The following SYT17 variants were observed in gnomAD, a reference collection of about 807,000 sequenced individuals.
SYT17 encodes synaptotagmin 17.
In SYT17, 22 loss-of-function variants were observed where a neutral mutation model predicts 46.7. The observed-to-expected ratio is 0.47, with a 90% confidence interval of 0.34 to 0.67. SYT17 has a LOEUF of 0.67. SYT17 is among the 30% of genes least tolerant of loss of function. The pLI, the probability that SYT17 is intolerant of heterozygous loss-of-function variation, is 0.01. For missense variants in SYT17, 519 were observed against 612.8 expected, an observed-to-expected ratio of 0.85 and a Z score of 1.62; for synonymous variants, 251 against 248.4, an observed-to-expected ratio of 1.01 and a Z score of -0.10.
rs66644033 is a variant in SYT17, at chr16:19,256,556, C to CTAT, written c.1229-10286_1229-10284dup. 2.5e-3 allele frequency among the ~76,000 whole-genome samples: 360 copies of CTAT among 145,004 alleles called. 1 individual carries two copies. The highest frequency in any genetic ancestry group is 8.0e-3 in the African/African-American group (310 of 38,672). On this transcript the variant is annotated intron_variant, in intron 7 of 7. Transcript: ENST00000355377. ...CAAGGGAAGTAGGAAATGGGTGAGT[C>CTAT]TATTATTATTATTATTATTATTATT...
chr16:19,247,041 C>T, intron 7 of SYT17, among the ~76,000 whole-genome samples: 1 of 152,054 alleles, frequency 6.6e-6, no homozygotes, highest in South Asian at 2.1e-4. Context: ...GACCTTTGAT[C>T]CTAGCCTTTT....
intron 5 of SYT17, among the ~76,000 whole-genome samples, chr16:19,194,889 C>T (rs768142951): frequency 3.9e-5 from 6 of 152,220 alleles, no homozygotes; most frequent in South Asian, 2.1e-4. Context: ...TGAGCCATCA[C>T]GCCCAGCCAA....
rs760178625 is a variant in SYT17, at chr16:19,267,976, A to AGT, written c.*901_*902dup. On this transcript the variant is annotated 3_prime_UTR_variant, in exon 8 of 8. Transcript: ENST00000355377. ...TGTGTGTGTGTGTGTGTGTGTGTAA[A>AGT]GTAAATAGGATATGATAGAGCAAAA... 8,040 of 84,546 alleles carry AGT rather than the reference A, an allele frequency of 0.095. 298 individuals are homozygous for AGT. Among genetic ancestry groups the AGT allele is most frequent in the East Asian group, 0.45 (852 of 1,884 alleles). 5.2% of individuals were successfully genotyped at this position (84,546 alleles called of 1,614,324 possible).
At chr16:19,263,324 G>A (rs1969117109) in intron 7 of SYT17, among the ~76,000 whole-genome samples, 1 of 151,980 alleles carries the variant, frequency 6.6e-6, no homozygotes, top group Non-Finnish European at 1.5e-5. Flanking sequence ...TCATATAAAT[G>A]GATCATAATA....
rs950900472 is a variant in SYT17, at chr16:19,266,842, C to T, written c.1229-38C>T. The T allele has an allele frequency of 2.5e-6, 4 of 1,590,652 alleles. No homozygotes were observed. The African/African-American group carries it at 4.0e-5, about 16-fold the overall frequency. On this transcript the variant is annotated intron_variant, in intron 7 of 7. Transcript: ENST00000355377. ...TTCCTGTTCTGTTCCCCTCCTTCCT[C>T]TTGCCTCCCTCCTGCCCTCAACCCT...
chr16:19,184,002 C>T lies in SYT17; in HGVS notation c.806C>T (p.Ala269Val), dbSNP rs1458767327. 1.9e-6 allele frequency: 3 copies of T among 1,614,006 alleles called. No homozygotes were observed. The highest frequency in any genetic ancestry group is 1.3e-5 in the African/African-American group (1 of 74,918). The change falls in exon 5 of 8, where the codon GCC becomes GTC. Residue 269 changes from alanine (A) to valine (V), a missense_variant. By Grantham distance (64) the Ala-to-Val change is moderately conservative. Coordinates refer to ENST00000355377, the MANE Select transcript of SYT17 (RefSeq NM_016524.4). ...RYTFEIPFLE[A>V]QRRTLLLTVV... is the part of the protein sequence containing the mutation. ...ACCTTCGAGATCCCCTTCCTGGAGGCCCAGAGGAGGACCCTGCTCCTGACC... is the reference window on the plus strand; with the variant it reads ...ACCTTCGAGATCCCCTTCCTGGAGGTCCAGAGGAGGACCCTGCTCCTGACC...
chr16:19,173,028 G>C lies in SYT17; in HGVS notation c.33+251G>C. On this transcript the variant is annotated intron_variant, in intron 2 of 7. Transcript: ENST00000355377. ...TTATCTCTGTCTGTTTCATGTCACC[G>C]AGATTTTTTAAAAATATTTTTTCCC... is the stretch of plus-strand genomic sequence containing the variant. The C allele has an allele frequency of 1.2e-5, 7 of 580,480 alleles. No individual in the cohort carries two copies. The South Asian group carries it at 1.7e-4, about 14-fold the overall frequency. The allele number at this position is 580,480 out of a possible 1,614,324, so 36.0% of individuals were successfully genotyped here.
intron 7 of SYT17, among the ~76,000 whole-genome samples, chr16:19,238,809 T>C (rs1453219785): frequency 6.6e-6 from 1 of 152,138 alleles, no homozygotes; most frequent in Non-Finnish European, 1.5e-5. Context: ...GGTGGCAAGA[T>C]GCAATCTTAT....
At chr16:19,213,621 T>C (rs1320418564) in intron 5 of SYT17, among the ~76,000 whole-genome samples, 3 of 152,212 alleles carry the variant, frequency 2.0e-5, no homozygotes, top group Non-Finnish European at 4.4e-5. Context: ...GCATTCCTCC[T>C]GTCTCAGCCT....
In SYT17 at chr16:19,266,743, G is replaced by A. The variant is rs191211041; in HGVS notation, c.1229-137G>A. 1.5e-3 allele frequency: 966 copies of A among 651,954 alleles called. 12 individuals carry two copies. Among genetic ancestry groups the A allele is most frequent in the South Asian group, 8.9e-3 (300 of 33,800 alleles). The allele number at this position is 651,954 out of a possible 1,614,324, so 40.4% of individuals were successfully genotyped here. A position where few individuals can be genotyped will look rare whatever the true frequency, so the allele number is the denominator to read the frequency against. On this transcript the variant is annotated intron_variant, in intron 7 of 7. Transcript: ENST00000355377. Reference sequence around the variant, plus strand: ...TCACCAAGAAAAGGAAAAAGACAGCGTGCCCTAAACGATGACCCCCATGTT... The same window carrying A: ...TCACCAAGAAAAGGAAAAAGACAGCATGCCCTAAACGATGACCCCCATGTT...
chr16:19,180,649 G>T (rs1748709515), intron 4 of SYT17, 110 bp downstream of exon 4: 1 of 1,340,986 alleles, frequency 7.5e-7, no homozygotes, highest in Non-Finnish European at 1.0e-6. Context: ...CGGCAGAGTG[G>T]GATGACAGTC....
intron 2 of SYT17, 188 bp downstream of exon 2, chr16:19,172,965 G>A (rs1014112346): frequency 2.0e-5 from 14 of 683,690 alleles, no homozygotes; most frequent in Middle Eastern, 3.5e-4. Context: ...CAGTTGACAA[G>A]ACAAGTTTCC....
chr16:19,225,556 G>C (rs1966469933), intron 7 of SYT17, among the ~76,000 whole-genome samples: 2 of 152,318 alleles, frequency 1.3e-5, no homozygotes, highest in South Asian at 4.1e-4. Context: ...AAGCTTTGCT[G>C]TATAGTTCTG....
intron 7 of SYT17, among the ~76,000 whole-genome samples, chr16:19,234,348 A>T (rs1303294595): frequency 6.6e-6 from 1 of 151,960 alleles, no homozygotes; most frequent in Non-Finnish European, 1.5e-5. Context: ...GAAAGAAAGA[A>T]ATTCACCATT....
intron 5 of SYT17, among the ~76,000 whole-genome samples, chr16:19,197,093 A>G (rs1965277069): frequency 6.6e-6 from 1 of 152,188 alleles, no homozygotes. Context: ...TCTTAATGAG[A>G]AATCCCTCTT....
intron 7 of SYT17, among the ~76,000 whole-genome samples, chr16:19,244,383 G>T (rs1326458461): frequency 6.6e-6 from 1 of 152,010 alleles, no homozygotes; most frequent in Non-Finnish European, 1.5e-5. Flanking sequence ...GCCTAGGCTG[G>T]AATGCAGTGG....
intron 7 of SYT17, among the ~76,000 whole-genome samples, chr16:19,246,425 A>C (rs906386380): frequency 2.6e-4 from 40 of 152,232 alleles, no homozygotes; most frequent in African/African-American, 9.2e-4. Context: ...AATATCACTT[A>C]TATATTATTC....
In SYT17 at chr16:19,267,322, C is replaced by T. The variant is rs1375432740; in HGVS notation, c.*246C>T. On this transcript the variant is annotated 3_prime_UTR_variant, in exon 8 of 8. Transcript: ENST00000355377. Reference sequence around the variant, plus strand: ...CTTTCCGGAAGCCCCATCCATAGATCACAAGCTCAGTGGGCTCTGCCGTGG... The same window carrying T: ...CTTTCCGGAAGCCCCATCCATAGATTACAAGCTCAGTGGGCTCTGCCGTGG... 4 of 400,682 alleles carry T rather than the reference C, an allele frequency of 1.0e-5. No homozygotes were observed. Among genetic ancestry groups the T allele is most frequent in the Admixed American group, 4.1e-5 (1 of 24,598 alleles). The allele number at this position is 400,682 out of a possible 1,614,324, so 24.8% of individuals were successfully genotyped here. A position where few individuals can be genotyped will look rare whatever the true frequency, so the allele number is the denominator to read the frequency against.
At chr16:19,244,574 A>G (rs1967390758) in intron 7 of SYT17, among the ~76,000 whole-genome samples, 1 of 152,002 alleles carries the variant, frequency 6.6e-6, no homozygotes, top group Non-Finnish European at 1.5e-5. Flanking sequence ...GCCTCAGGCA[A>G]TTTTCCCATC....
Sources: allele counts gnomAD v4.1 joint callset (sites outside exome capture counted in the v4.1 genomes callset), GRCh38; gene constraint gnomAD v4.1.1; transcripts MANE v1.5; gene names NCBI Gene and HGNC (gene_info 2026-07-23, HGNC 2026-07-21).